Variants in SLC39A11 observed in about 807,000 individuals in gnomAD.
SLC39A11 encodes zinc transporter ZIP11.
SLC39A11 carries 33 observed loss-of-function variants against 36.1 expected under a neutral mutation model. The observed-to-expected ratio is 0.91, with a 90% CI of 0.69 to 1.22. The LOEUF is 1.22. Ranked by LOEUF, SLC39A11 falls within the 50% of genes most tolerant of loss-of-function variation. SLC39A11 has a pLI of 0.00. For synonymous variants in SLC39A11, 166 were observed against 170.3 expected, an observed-to-expected ratio of 0.97 and a Z score of 0.20; for missense variants, 432 against 430.3, an observed-to-expected ratio of 1.00 and a Z score of -0.03.
At chr17:73,041,013 A>C (rs1005855948) in intron 3 of SLC39A11, among the ~76,000 whole-genome samples, 1 of 151,116 alleles carries the variant, frequency 6.6e-6, no homozygotes, top group Non-Finnish European at 1.5e-5. Flanking sequence ...AAAAAACAAA[A>C]AAAAAAAACA....
intron 7 of SLC39A11, among the ~76,000 whole-genome samples, chr17:72,671,375 A>G (rs11652643): frequency 0.075 from 11,464 of 152,214 alleles, 704 homozygotes; most frequent in African/African-American, 0.17. Context: ...CTTATTCCCC[A>G]ATAAATTCAT....
intron 6 of SLC39A11, among the ~76,000 whole-genome samples, chr17:72,844,247 C>T (rs2078953094): frequency 6.6e-6 from 1 of 152,130 alleles, no homozygotes; most frequent in African/African-American, 2.4e-5. Flanking sequence ...TGAGGGAGTT[C>T]ACTTCTCTTT....
chr17:72,922,986 A>C (rs1301475258), intron 5 of SLC39A11, among the ~76,000 whole-genome samples: 1 of 149,482 alleles, frequency 6.7e-6, no homozygotes, highest in Non-Finnish European at 1.5e-5. Flanking sequence ...AAAAAAAAAA[A>C]AAAACACACA....
chr17:72,773,540 T>A (rs1182933561), intron 6 of SLC39A11, among the ~76,000 whole-genome samples: 3 of 152,134 alleles, frequency 2.0e-5, no homozygotes, highest in Non-Finnish European at 4.4e-5. Flanking sequence ...CCCAGCCACA[T>A]GGAATTGTGA....
intron 7 of SLC39A11, among the ~76,000 whole-genome samples, chr17:72,707,041 A>G (rs985597222): frequency 2.0e-5 from 3 of 152,364 alleles, no homozygotes; most frequent in African/African-American, 7.2e-5. Flanking sequence ...GATGTGCTGT[A>G]AATGTAAATA....
At chr17:72,995,311 G>C (rs1435845944) in intron 4 of SLC39A11, among the ~76,000 whole-genome samples, 1 of 152,162 alleles carries the variant, frequency 6.6e-6, no homozygotes, top group East Asian at 1.9e-4. Flanking sequence ...GGTGTACTAA[G>C]CACTACATCA....
intron 7 of SLC39A11, among the ~76,000 whole-genome samples, chr17:72,689,788 G>C (rs56391239): frequency 0.24 from 36,545 of 152,150 alleles, 4,753 homozygotes; most frequent in South Asian, 0.31. Flanking sequence ...CAAAGGCTGT[G>C]GGGGGAGGGA....
At chr17:72,810,609 A>G (rs777671751) in intron 6 of SLC39A11, among the ~76,000 whole-genome samples, 1 of 152,198 alleles carries the variant, frequency 6.6e-6, no homozygotes, top group Non-Finnish European at 1.5e-5. Context: ...AGGAAGAGCT[A>G]TCAGGAATGC....
rs188165367 is a variant in SLC39A11 at position 72,998,871 on chromosome 17, G to A, written c.306+32685C>T. 5.3e-5 allele frequency among the ~76,000 whole-genome samples: 8 copies of A among 152,314 alleles called. No individual in the cohort carries two copies. In the East Asian group the frequency reaches 1.3e-3, roughly 26 times the overall value. ...TTCTGAGAGGTGGAAGGGAGATGGC[G>A]GCGTTTTCCGCAGCCACAGAGGTGG... On this transcript the variant is annotated intron_variant, in intron 4 of 9. Coordinates refer to ENST00000255559, the MANE Select transcript of SLC39A11 (RefSeq NM_139177.4).
At chr17:72,979,999 C>G (rs997121686) in intron 4 of SLC39A11, among the ~76,000 whole-genome samples, 2 of 152,198 alleles carry the variant, frequency 1.3e-5, no homozygotes, top group Non-Finnish European at 2.9e-5. Flanking sequence ...TACACCAGCT[C>G]TCCAGCTGGG....
At chr17:72,697,450 G>A (rs912797962) in intron 7 of SLC39A11, among the ~76,000 whole-genome samples, 7 of 152,078 alleles carry the variant, frequency 4.6e-5, no homozygotes, top group Non-Finnish European at 1.0e-4. Context: ...TCTTCAATTT[G>A]CTCCCAGTAA....
At chr17:72,730,152 G>A (rs778545026) in intron 7 of SLC39A11, among the ~76,000 whole-genome samples, 6 of 152,042 alleles carry the variant, frequency 3.9e-5, no homozygotes, top group African/African-American at 7.2e-5. Flanking sequence ...TAATATCTGC[G>A]TCATCTACAA....
At chr17:72,931,472 T>G (rs2084392447) in intron 5 of SLC39A11, among the ~76,000 whole-genome samples, 2 of 152,218 alleles carry the variant, frequency 1.3e-5, no homozygotes, top group South Asian at 4.1e-4. Flanking sequence ...AAGCTCCCAC[T>G]CCCCATCTCC....
intron 6 of SLC39A11, among the ~76,000 whole-genome samples, chr17:72,740,902 G>A (rs936684756): frequency 1.2e-4 from 18 of 151,350 alleles, no homozygotes; most frequent in African/African-American, 3.9e-4. Context: ...AGCCTCCCGA[G>A]TAGCTGGGAT....
intron 3 of SLC39A11, among the ~76,000 whole-genome samples, chr17:73,053,197 C>T (rs1419653629): frequency 6.6e-6 from 1 of 151,540 alleles, no homozygotes; most frequent in Non-Finnish European, 1.5e-5. Flanking sequence ...AACAAAACAA[C>T]AACAGAAACA....
At chr17:72,958,291 A>G (rs568841772) in intron 4 of SLC39A11, among the ~76,000 whole-genome samples, 3 of 152,366 alleles carry the variant, frequency 2.0e-5, no homozygotes, top group South Asian at 4.1e-4. Context: ...CCTTCTAGAC[A>G]TTGGTTTAGG....
At chr17:72,824,064 A>T (rs548111272) in intron 6 of SLC39A11, among the ~76,000 whole-genome samples, 1 of 151,486 alleles carries the variant, frequency 6.6e-6, no homozygotes, top group African/African-American at 2.4e-5. Flanking sequence ...CCTTTTATAC[A>T]TAAACCAGTG....
chr17:72,741,494 A>G lies in SLC39A11; in HGVS notation c.602-4775T>C, dbSNP rs377756279. The stretch of plus-strand genomic sequence containing the variant: ...ATAGACTAGACTAGTATCGACACAT[A>G]TATTTCACTGCAGGTATAAGGCTTA... On this transcript the variant is annotated intron_variant, in intron 6 of 9. Coordinates refer to ENST00000255559, the MANE Select transcript of SLC39A11 (RefSeq NM_139177.4). Among the ~76,000 whole-genome samples the G allele has an allele frequency of 1.6e-4, 25 of 152,328 alleles. 1 individual carries two copies. Among genetic ancestry groups the G allele is most frequent in the African/African-American group, 6.0e-4 (25 of 41,584 alleles).
chr17:72,847,481 A>G (rs766172522), intron 6 of SLC39A11, among the ~76,000 whole-genome samples: 1 of 152,026 alleles, frequency 6.6e-6, no homozygotes, highest in African/African-American at 2.4e-5. Context: ...TCAAGAGGGG[A>G]ATGAGGGAGA....
Sources: allele counts gnomAD v4.1 joint callset (sites outside exome capture counted in the v4.1 genomes callset), GRCh38; gene constraint gnomAD v4.1.1; transcripts MANE v1.5; gene names NCBI Gene and HGNC (gene_info 2026-07-23, HGNC 2026-07-21).